Variants in GLB1 observed in about 807,000 individuals in gnomAD.
The protein encoded by GLB1 is beta-galactosidase.
GLB1 carries 56 observed loss-of-function variants against 74.0 expected under a neutral mutation model. The observed-to-expected ratio is 0.76, with a 90% CI of 0.61 to 0.94. The LOEUF is 0.94. Among genes scored for constraint, GLB1 ranks in the 40% least tolerant of loss-of-function variants. The pLI is 0.00. For synonymous variants in GLB1, 323 were observed against 323.6 expected (o/e 1.00, Z 0.02); for missense variants, 787 against 845.5 (o/e 0.93, Z 0.86).
At chr3:32,979,000 G>A in the GLB1 span, among the ~76,000 whole-genome samples, 1 of 146,530 alleles carries the variant, frequency 6.8e-6, no homozygotes, top group Admixed American at 6.9e-5. Context: ...TTCTGAGATG[G>A]AGTTTCGCTC....
intron 11 of GLB1, 102 bp downstream of exon 11, chr3:33,024,149 G>T (rs896731094): frequency 7.5e-7 from 1 of 1,336,838 alleles, no homozygotes; most frequent in African/African-American, 1.5e-5. Context: ...GAAAAATAAC[G>T]AACCAATTCC....
intron 1 of GLB1, among the ~76,000 whole-genome samples, chr3:33,073,917 G>C (rs1442137698): frequency 6.6e-6 from 1 of 151,752 alleles, no homozygotes; most frequent in African/African-American, 2.4e-5. Flanking sequence ...CCAGCTACTT[G>C]GGAGGCTGAG....
chr3:33,058,358 T>C, intron 5 of GLB1, 89 bp from the exon 6 acceptor site: 5 of 1,553,098 alleles, frequency 3.2e-6, no homozygotes, highest in Non-Finnish European at 4.4e-6. Context: ...TATCTGAGCA[T>C]CTGCTAAGAT....
intron 2 of GLB1, among the ~76,000 whole-genome samples, chr3:33,069,860 T>C (rs967325627): frequency 6.6e-6 from 1 of 152,194 alleles, no homozygotes; most frequent in African/African-American, 2.4e-5. Context: ...GCAGGTTTGT[T>C]ATACAGGTAA....
At chr3:33,031,517 G>A (rs1455544214) in intron 10 of GLB1, among the ~76,000 whole-genome samples, 5 of 145,388 alleles carry the variant, frequency 3.4e-5, no homozygotes, top group Admixed American at 6.9e-5. Flanking sequence ...ATTGGTGTGC[G>A]CTTGTAATCC....
chr3:32,980,684 G>C, the GLB1 span, among the ~76,000 whole-genome samples: 514 of 152,158 alleles, frequency 3.4e-3, 5 homozygotes, highest in African/African-American at 0.012. Context: ...GGGAGGCCAA[G>C]GTAGGAGAAT....
chr3:32,972,091 A>G, the GLB1 span, among the ~76,000 whole-genome samples: 1 of 152,208 alleles, frequency 6.6e-6, no homozygotes, highest in Non-Finnish European at 1.5e-5. Flanking sequence ...GCCTCCTGAA[A>G]GAATCATTAA....
chr3:33,072,713 T>G lies in GLB1; in HGVS notation c.76A>C (p.Asn26His). 1 of 1,614,096 alleles carries G rather than the reference T, an allele frequency of 6.2e-7. No homozygotes were observed. Among genetic ancestry groups the G allele is most frequent in the African/African-American group, 1.3e-5 (1 of 75,038 alleles). ...LLLGPTRGLR[N>H]ATQRMFEIDY... ...ATTTCAAACATCCTCTGGGTGGCAT[T>G]CTACAGAGCAAGGATGGGGTCACAT... The change falls in exon 2 of 16, where the codon AAT becomes CAT. Residue 26 changes from asparagine to histidine, a missense_variant and splice_region_variant. Asn to His is a moderately conservative substitution (Grantham distance 68). Transcript: ENST00000307363.
chr3:32,965,721 C>T, the GLB1 span, among the ~76,000 whole-genome samples: 2 of 152,196 alleles, frequency 1.3e-5, no homozygotes, highest in African/African-American at 2.4e-5. Context: ...CCTGCCATTA[C>T]AGGCCTGGAG....
the GLB1 span, among the ~76,000 whole-genome samples, chr3:32,991,466 T>G: frequency 1.3e-5 from 2 of 152,190 alleles, no homozygotes; most frequent in African/African-American, 4.8e-5. Flanking sequence ...ACATTCTTTG[T>G]CATTTCTCCC....
At chr3:33,054,405 C>G (rs1699131703) in intron 6 of GLB1, among the ~76,000 whole-genome samples, 1 of 152,114 alleles carries the variant, frequency 6.6e-6, no homozygotes, top group East Asian at 1.9e-4. Context: ...GTGGCCTTTC[C>G]TGTCTGCACA....
chr3:33,020,139 G>C (rs1697407086), intron 12 of GLB1, among the ~76,000 whole-genome samples: 1 of 152,186 alleles, frequency 6.6e-6, no homozygotes, highest in Non-Finnish European at 1.5e-5. Context: ...GTGGGTGCTA[G>C]GACTGCAGAG....
At chr3:33,078,172 A>T (rs141673501) in intron 1 of GLB1, among the ~76,000 whole-genome samples, 2 of 152,290 alleles carry the variant, frequency 1.3e-5, no homozygotes, top group Non-Finnish European at 2.9e-5. Flanking sequence ...CGAGCCCAGG[A>T]GGTCAAGGCG....
At chr3:33,031,626 A>T (rs1158784644) in intron 10 of GLB1, among the ~76,000 whole-genome samples, 2 of 71,360 alleles carry the variant, frequency 2.8e-5, no homozygotes, top group African/African-American at 9.9e-5. Context: ...AAAAAAAAAA[A>T]AAAAAAAAAA....
intron 10 of GLB1, among the ~76,000 whole-genome samples, chr3:33,042,370 C>CTTTT (rs66685286): frequency 0.13 from 12,854 of 98,612 alleles, 1,427 homozygotes; most frequent in Non-Finnish European, 0.15. Flanking sequence ...TCATCTCCTC[C>CTTTT]TTTTTTTTTT....
At chr3:33,053,617 C>T (rs1258676226) in intron 6 of GLB1, 68 bp from the exon 7 acceptor site, 5 of 1,603,002 alleles carry the variant, frequency 3.1e-6, no homozygotes, top group Non-Finnish European at 2.6e-6. Context: ...AACAAGAGCC[C>T]TTCATGGGAC....
intron 10 of GLB1, among the ~76,000 whole-genome samples, chr3:33,040,120 C>T (rs1698439865): frequency 6.6e-6 from 1 of 152,126 alleles, no homozygotes; most frequent in African/African-American, 2.4e-5. Flanking sequence ...TGTTGAGCTA[C>T]TAGGTTTAGG....
At chr3:32,993,907 C>T (rs1381748555), downstream of GLB1, among the ~76,000 whole-genome samples, 1 of 151,974 alleles carries the variant, frequency 6.6e-6, no homozygotes, top group African/African-American at 2.4e-5. Context: ...GGGCTCAAGC[C>T]ATCCACCCAC....
the GLB1 span, among the ~76,000 whole-genome samples, chr3:32,975,742 A>G: frequency 1.3e-5 from 2 of 152,208 alleles, no homozygotes; most frequent in East Asian, 3.8e-4. Context: ...AAGATCAACA[A>G]TCCAAACAGC....
Sources: allele counts gnomAD v4.1 joint callset (sites outside exome capture counted in the v4.1 genomes callset), GRCh38; gene constraint gnomAD v4.1.1; transcripts MANE v1.5; gene names NCBI Gene and HGNC (gene_info 2026-07-23, HGNC 2026-07-21).